The following BCKDHB variants were observed in gnomAD, a reference collection of about 807,000 sequenced individuals.
The protein encoded by BCKDHB is 2-oxoisovalerate dehydrogenase subunit beta, mitochondrial.
A neutral mutation model predicts 48.5 loss-of-function variants in BCKDHB; 41 were observed. The ratio of observed to expected loss-of-function variants is 0.85; its 90% CI spans 0.66 to 1.10. BCKDHB has a LOEUF of 1.10. Ranked by LOEUF, BCKDHB falls within the 50% of genes least tolerant of loss-of-function variation. BCKDHB has a pLI of 0.00. For synonymous variants in BCKDHB, 201 were observed against 174.8 expected, an observed-to-expected ratio of 1.15 and a Z score of -1.18; for missense variants, 496 against 494.2, an observed-to-expected ratio of 1.00 and a Z score of -0.03.
chr6:80,214,874 A>G (rs543294249), intron 8 of BCKDHB, among the ~76,000 whole-genome samples: 1 of 152,332 alleles, frequency 6.6e-6, no homozygotes, highest in East Asian at 1.9e-4. Flanking sequence ...TAAAAATGTA[A>G]TCAAAGACTA....
intron 3 of BCKDHB, among the ~76,000 whole-genome samples, chr6:80,150,224 T>TAA (rs1394967365): frequency 6.6e-6 from 1 of 152,134 alleles, no homozygotes; most frequent in Non-Finnish European, 1.5e-5. Flanking sequence ...TATCTAGAAT[T>TAA]CCTTTTAACT....
At chr6:80,297,229 A>T (rs762330078) in intron 9 of BCKDHB, among the ~76,000 whole-genome samples, 1 of 152,216 alleles carries the variant, frequency 6.6e-6, no homozygotes, top group African/African-American at 2.4e-5. Context: ...ACCCTAAACT[A>T]CTTAGAAAAC....
rs142252373 is a variant in BCKDHB at position 80,188,365 on chromosome 6, G to A, written c.743-12569G>A. Among the ~76,000 whole-genome samples, 633 of 152,258 alleles carry A rather than the reference G, an allele frequency of 4.2e-3. 4 individuals carry two copies. Among genetic ancestry groups the A allele is most frequent in the Middle Eastern group, 0.02 (6 of 294 alleles). On this transcript the variant is annotated intron_variant, in intron 6 of 9. Coordinates refer to ENST00000320393, the MANE Select transcript of BCKDHB (RefSeq NM_183050.4). ...CTGGGGATCTACCTGAGGGTGGAGG[G>A]TGGAAGGAGGGTGAGGATCAGAATA...
At chr6:80,359,447 T>C in the BCKDHB span, among the ~76,000 whole-genome samples, 1 of 152,198 alleles carries the variant, frequency 6.6e-6, no homozygotes, top group Non-Finnish European at 1.5e-5. Flanking sequence ...ATTTCTATCA[T>C]TCTTCTGATG....
chr6:80,437,150 T>G, the BCKDHB span, among the ~76,000 whole-genome samples: 1 of 152,212 alleles, frequency 6.6e-6, no homozygotes, highest in Non-Finnish European at 1.5e-5. Context: ...TGAATTCTGC[T>G]GTCTCAGAAG....
At chr6:80,256,546 T>C (rs1777058330) in intron 8 of BCKDHB, among the ~76,000 whole-genome samples, 1 of 152,226 alleles carries the variant, frequency 6.6e-6, no homozygotes, top group African/African-American at 2.4e-5. Flanking sequence ...GGCATGACTG[T>C]ATATACACAC....
At chr6:80,139,130 G>A (rs12209988) in intron 3 of BCKDHB, among the ~76,000 whole-genome samples, 55,649 of 151,874 alleles carry the variant, frequency 0.37, 12,243 homozygotes, top group Admixed American at 0.56. Flanking sequence ...CATGTCCTTC[G>A]CCCACTTTTT....
the BCKDHB span, among the ~76,000 whole-genome samples, chr6:80,436,866 A>G: frequency 1.3e-5 from 2 of 152,316 alleles, no homozygotes; most frequent in East Asian, 1.9e-4. Flanking sequence ...GTACTGGTAC[A>G]TTCCAAACTA....
chr6:80,281,778 C>G (rs1778205085), intron 9 of BCKDHB, among the ~76,000 whole-genome samples: 1 of 152,020 alleles, frequency 6.6e-6, no homozygotes, highest in South Asian at 2.1e-4. Context: ...CCTTCCCCTC[C>G]AAACCATCTA....
At chr6:80,220,724 TTTTC>T (rs1489581467) in intron 8 of BCKDHB, among the ~76,000 whole-genome samples, 1 of 133,036 alleles carries the variant, frequency 7.5e-6, no homozygotes, top group Non-Finnish European at 1.6e-5. Context: ...GCTCTTTTTC[TTTTC>T]TTTTTCTTTT....
chr6:80,140,225 G>C (rs1184302561), intron 3 of BCKDHB, among the ~76,000 whole-genome samples: 1 of 152,142 alleles, frequency 6.6e-6, no homozygotes, highest in Non-Finnish European at 1.5e-5. Context: ...GGGGTTTCTA[G>C]ATATACAATC....
chr6:80,312,257 A>C lies in BCKDHB; in HGVS notation c.1039-31407A>C, dbSNP rs373005628. Among the ~76,000 whole-genome samples, 24 of 152,244 alleles carry C rather than the reference A, an allele frequency of 1.6e-4. No individual in the cohort carries two copies. In the East Asian group the frequency reaches 4.4e-3, roughly 28 times the overall value. ...GTTGTTAGTGTATAGGAATGCTAGT[A>C]ATTTTTGGGCATTGATTCTGTATCC... On this transcript the variant is annotated intron_variant, in intron 9 of 9. Transcript: ENST00000320393.
At chr6:80,114,022 C>T (rs962913721) in intron 1 of BCKDHB, among the ~76,000 whole-genome samples, 83 of 152,062 alleles carry the variant, frequency 5.5e-4, no homozygotes, top group African/African-American at 1.4e-3. Flanking sequence ...AAAGGTACTT[C>T]GAATTTTTTC....
At chr6:80,413,690 A>G in the BCKDHB span, among the ~76,000 whole-genome samples, 1 of 152,210 alleles carries the variant, frequency 6.6e-6, no homozygotes, top group Non-Finnish European at 1.5e-5. Context: ...TTCTTTATCC[A>G]GTCTACCATT....
At chr6:80,238,546 T>C (rs1216048986) in intron 8 of BCKDHB, among the ~76,000 whole-genome samples, 1 of 152,114 alleles carries the variant, frequency 6.6e-6, no homozygotes, top group Non-Finnish European at 1.5e-5. Flanking sequence ...CGCAGCCAAG[T>C]GGTGGAAGAT....
chr6:80,363,593 G>A, the BCKDHB span, among the ~76,000 whole-genome samples: 2 of 152,084 alleles, frequency 1.3e-5, no homozygotes, highest in Admixed American at 6.6e-5. Context: ...TAAGCTCATT[G>A]AAGTTAGAAA....
chr6:80,126,341 C>T (rs994306623), intron 1 of BCKDHB, among the ~76,000 whole-genome samples: 2 of 152,094 alleles, frequency 1.3e-5, no homozygotes, highest in Non-Finnish European at 2.9e-5. Context: ...ATGTCAGAAC[C>T]TGCTGTGGAG....
intron 9 of BCKDHB, among the ~76,000 whole-genome samples, chr6:80,337,867 T>C (rs1413974569): frequency 6.6e-6 from 1 of 152,210 alleles, no homozygotes; most frequent in Non-Finnish European, 1.5e-5. Flanking sequence ...TGTTTTGACT[T>C]ATGATATGTT....
the BCKDHB span, among the ~76,000 whole-genome samples, chr6:80,369,017 A>AAG: frequency 4.1e-4 from 6 of 14,782 alleles, no homozygotes; most frequent in Non-Finnish European, 0.01. Context: ...CATCTCAAAA[A>AAG]AAAAAAAAAC....
Sources: allele counts gnomAD v4.1 joint callset (sites outside exome capture counted in the v4.1 genomes callset), GRCh38; gene constraint gnomAD v4.1.1; transcripts MANE v1.5; gene names NCBI Gene and HGNC (gene_info 2026-07-23, HGNC 2026-07-21).